Variants in KDM5A observed in about 807,000 individuals in gnomAD.
The protein encoded by KDM5A is lysine demethylase 5A.
A neutral mutation model predicts 193.5 loss-of-function variants in KDM5A; 42 were observed. The ratio of observed to expected loss-of-function variants is 0.22; its 90% CI spans 0.17 to 0.28. The LOEUF is 0.28. Among genes scored for constraint, KDM5A ranks in the 10% least tolerant of loss-of-function variants. The probability of loss-of-function intolerance (pLI) is 1.00; values close to 1 mark genes in which losing one functional copy is unlikely to be tolerated. For synonymous variants in KDM5A, 796 were observed against 718.1 expected (o/e 1.11, Z -1.73); for missense variants, 1,692 against 2,055.1 (o/e 0.82, Z 3.42).
chr12:322,999 A>C (rs1462069369), intron 16 of KDM5A, 83 bp downstream of exon 16: 1 of 1,582,040 alleles, frequency 6.3e-7, no homozygotes. Context: ...CTTTTACGGA[A>C]GGAAAAAACA....
chr12:352,938 C>T (rs1272230590), intron 8 of KDM5A, among the ~76,000 whole-genome samples: 1 of 152,208 alleles, frequency 6.6e-6, no homozygotes, highest in Non-Finnish European at 1.5e-5. Flanking sequence ...TGTCCTATCA[C>T]AGCATTTTGT....
intron 27 of KDM5A, among the ~76,000 whole-genome samples, chr12:291,433 C>T (rs979653338): frequency 6.6e-6 from 1 of 152,146 alleles, no homozygotes; most frequent in Non-Finnish European, 1.5e-5. Flanking sequence ...CAGCCAAGAT[C>T]TAGGGTTCTA....
Position 307,758 on chromosome 12 carries a change from T to C in KDM5A, c.3626A>G (p.Lys1209Arg), listed in dbSNP as rs2137389135. ...KGSSWQAKEV[K>R]FLCPLCMRSR... ...CCGCATACAAAGAGGGCAAAGGAAT[T>C]TTACTTCTTTAGCTTGCCAGCTGGA... Residue 1209 changes from lysine to arginine, a missense_variant, in exon 23 of 28, where the codon AAA (lysine) becomes AGA (arginine). Coordinates refer to ENST00000399788, the MANE Select transcript of KDM5A (RefSeq NM_001042603.3). This position sits in a 1 kb window ranked among gnomAD's most constrained non-coding sequence, Gnocchi z 4.3. The C allele has an allele frequency of 6.2e-7, 1 of 1,614,128 alleles. No homozygotes were observed. The highest frequency in any genetic ancestry group is 8.5e-7 in the Non-Finnish European group (1 of 1,180,032).
At chr12:383,795 C>T (rs1404383485) in intron 3 of KDM5A, among the ~76,000 whole-genome samples, 1 of 151,708 alleles carries the variant, frequency 6.6e-6, no homozygotes, top group Admixed American at 6.6e-5. Flanking sequence ...GTTGCCCAGG[C>T]TGTAGTACAA....
At chr12:304,436 A>G (rs1056652290) in intron 24 of KDM5A, among the ~76,000 whole-genome samples, 1 of 147,862 alleles carries the variant, frequency 6.8e-6, no homozygotes, top group African/African-American at 2.5e-5. Flanking sequence ...AAAATGCTCA[A>G]GAGTATAGGC....
chr12:343,175 C>T (rs778124597), intron 10 of KDM5A, among the ~76,000 whole-genome samples: 5 of 152,188 alleles, frequency 3.3e-5, no homozygotes, highest in South Asian at 2.1e-4. Context: ...TCACTGCTAG[C>T]GCAGCAGTCT....
chr12:295,336 GAA>G (rs1223550854), intron 26 of KDM5A, among the ~76,000 whole-genome samples: 3 of 151,504 alleles, frequency 2.0e-5, no homozygotes, highest in Admixed American at 6.6e-5. Context: ...AAGAAAAAGA[GAA>G]AGAGAGAGAA....
chr12:365,102 G>GA (rs960594791), intron 4 of KDM5A, among the ~76,000 whole-genome samples: 64 of 152,194 alleles, frequency 4.2e-4, no homozygotes, highest in African/African-American at 1.5e-3. Context: ...ACCCAGGCTG[G>GA]AGTGCAGTGG....
chr12:333,168 C>T (rs1367447224), intron 12 of KDM5A: 8 of 384,484 alleles, frequency 2.1e-5, no homozygotes, highest in Middle Eastern at 1.7e-3. Context: ...CCTGTAATCC[C>T]AACACTTTGG....
rs1944575020 is a variant in KDM5A at position 381,719 on chromosome 12, CG to C, written c.366+2311del. Among the ~76,000 whole-genome samples the C allele has an allele frequency of 2.0e-5, 3 of 152,206 alleles. No homozygotes were observed. The South Asian group carries it at 6.2e-4, about 32-fold the overall frequency. On this transcript the variant is annotated intron_variant, in intron 3 of 27. Coordinates refer to ENST00000399788, the MANE Select transcript of KDM5A (RefSeq NM_001042603.3). ...AAAAAAGTCTCAAGCTGTATTTTAG[CG>C]TAAGACCGTACTTCCCAAATTTTTT...
chr12:376,989 G>A (rs1944513307), intron 3 of KDM5A, among the ~76,000 whole-genome samples: 2 of 151,760 alleles, frequency 1.3e-5, no homozygotes, highest in African/African-American at 2.4e-5. Context: ...CATAGAACCT[G>A]GAAAGGCTTC....
chr12:306,096 C>G (rs1943504136), intron 24 of KDM5A, among the ~76,000 whole-genome samples: 1 of 151,658 alleles, frequency 6.6e-6, no homozygotes, highest in African/African-American at 2.4e-5. Flanking sequence ...TTCAGCCTCC[C>G]AAGTAGCTGG....
chr12:370,606 A>G (rs1462683667), intron 3 of KDM5A, among the ~76,000 whole-genome samples: 1 of 83,296 alleles, frequency 1.2e-5, no homozygotes, highest in Admixed American at 1.6e-4. Context: ...AGCTGGGAAC[A>G]GAGACTTTTT....
chr12:307,336 G>T lies in KDM5A; in HGVS notation c.3930+118C>A. ...GTGTATGTTGAAGGAGAATGCAATG[G>T]ATAATTGCTGACAAGTTACTGTTAT... is the stretch of plus-strand genomic sequence containing the variant. On this transcript the variant is annotated intron_variant, in intron 23 of 27. Coordinates refer to ENST00000399788, the MANE Select transcript of KDM5A (RefSeq NM_001042603.3). This position sits in a 1 kb window ranked among gnomAD's most constrained non-coding sequence, Gnocchi z 4.3. 1 of 1,167,758 alleles carries T rather than the reference G, an allele frequency of 8.6e-7. No individual in the cohort carries two copies. Among genetic ancestry groups the T allele is most frequent in the South Asian group, 1.3e-5 (1 of 78,410 alleles). 72.3% of individuals were successfully genotyped at this position (1,167,758 alleles called of 1,614,324 possible).
chr12:336,821 C>T (rs1254766436), intron 10 of KDM5A, among the ~76,000 whole-genome samples: 4 of 143,746 alleles, frequency 2.8e-5, no homozygotes, highest in Admixed American at 7.0e-5. Context: ...GGCAACAGAG[C>T]GAGACTCCAT....
intron 5 of KDM5A, among the ~76,000 whole-genome samples, chr12:356,890 C>T (rs1397592320): frequency 6.6e-6 from 1 of 152,238 alleles, no homozygotes; most frequent in African/African-American, 2.4e-5. Flanking sequence ...TGAACTGTGA[C>T]TGTCCTAAGC....
rs1944195569 is a variant in KDM5A, at chr12:353,942, G to C, written c.1029+134C>G. On this transcript the variant is annotated intron_variant, in intron 8 of 27. Transcript: ENST00000399788. ...TCTCAAAAAAAAAAAAAAAAGTCCT[G>C]GAAATTTTAAACACTACATAATGAA... The C allele has an allele frequency of 4.4e-6, 3 of 684,166 alleles. No individual in the cohort carries two copies. The South Asian group carries it at 6.0e-5, about 14-fold the overall frequency. 42.4% of individuals were successfully genotyped at this position (684,166 alleles called of 1,614,324 possible).
intron 3 of KDM5A, among the ~76,000 whole-genome samples, chr12:370,542 G>C (rs574871868): frequency 1.6e-4 from 25 of 151,764 alleles, no homozygotes; most frequent in African/African-American, 6.0e-4. Context: ...ACACAATGAA[G>C]ACAAGCCGTT....
intron 10 of KDM5A, among the ~76,000 whole-genome samples, chr12:350,227 A>G (rs1179758198): frequency 1.3e-5 from 2 of 152,112 alleles, no homozygotes; most frequent in African/African-American, 4.8e-5. Context: ...ACCTGAGGTC[A>G]GGAGTTCAAG....
Sources: allele counts gnomAD v4.1 joint callset (sites outside exome capture counted in the v4.1 genomes callset), GRCh38; gene constraint gnomAD v4.1.1; non-coding constraint Gnocchi (gnomAD v3.1); transcripts MANE v1.5; gene names NCBI Gene and HGNC (gene_info 2026-07-23, HGNC 2026-07-21).